The following HJV variants were observed in gnomAD, a reference collection of about 807,000 sequenced individuals.
The protein encoded by HJV is hemojuvelin BMP co-receptor, also known as hemojuvelin.
In HJV, 18 loss-of-function variants were observed where a neutral mutation model predicts 22.7. The ratio of observed to expected loss-of-function variants is 0.79; its 90% CI spans 0.55 to 1.18. The LOEUF (loss-of-function observed/expected upper bound fraction) is 1.18. Ranked by LOEUF, HJV falls within the 50% of genes most tolerant of loss-of-function variation. The pLI is 0.00. For missense variants in HJV, 572 were observed against 553.0 expected (o/e 1.03, Z -0.34); for synonymous variants, 229 against 222.7 (o/e 1.03, Z -0.25).
rs781816924 is a variant in HJV at position 146,018,174 on chromosome 1, TG to T, written c.1183del (p.His395IlefsTer17). On this transcript the variant is annotated frameshift_variant, in exon 4 of 4. Transcript: ENST00000336751. LOFTEE classifies it low-confidence loss of function (END_TRUNC). ...AACCCCAGCATCTGAGGGGAAGAGATGCAGCTTCTCTAAGTCTGGCAGGAAG... is the reference window on the plus strand; with the variant it reads ...AACCCCAGCATCTGAGGGGAAGAGATCAGCTTCTCTAAGTCTGGCAGGAAG... ...RAFLPDLEKLHLFPSDAGVPL... is the reference protein window; with the variant it reads ...RAFLPDLEKLXLFPSDAGVPL... The T allele has an allele frequency of 6.2e-7, 1 of 1,614,100 alleles. No homozygotes were observed. Among genetic ancestry groups the T allele is most frequent in the Admixed American group, 1.7e-5 (1 of 60,010 alleles).
Position 146,019,214 on chromosome 1 carries a change from G to A in HJV, c.618C>T (p.Ser206=). 6.2e-7 allele frequency: 1 copy of A among 1,614,188 alleles called. No individual in the cohort carries two copies. Among genetic ancestry groups the A allele is most frequent in the Non-Finnish European group, 8.5e-7 (1 of 1,180,044 alleles). Reference sequence around the variant, plus strand: ...TAGCGTTGGCCCCCAACGCCATGGGGGAGCTGGTGGCTTGGACAAAGAGGA... The same window carrying A: ...TAGCGTTGGCCCCCAACGCCATGGGAGAGCTGGTGGCTTGGACAAAGAGGA... The part of the protein sequence containing the change: ...NDFLFVQATS[S]PMALGANATA... The change falls in exon 3 of 4, where the codon TCC becomes TCT. Residue 206 remains serine (S), a synonymous_variant. Transcript: ENST00000336751.
rs1553769644 is a variant in HJV at position 146,019,305 on chromosome 1, C to T, written c.527G>A (p.Arg176His). The change falls in exon 3 of 4, where the codon CGC (arginine) becomes CAC (histidine). Residue 176 changes from arginine (R) to histidine (H), a missense_variant. Transcript: ENST00000336751. ...TGTGTGAAAGTGATGGTGGAAGCTG[C>T]GCACATGGGGGTCCCCGAAGGAAGC... ...HCASFGDPHV[R>H]SFHHHFHTCR... 1 of 1,613,884 alleles carries T rather than the reference C, an allele frequency of 6.2e-7. No individual in the cohort carries two copies. The highest frequency in any genetic ancestry group is 8.5e-7 in the Non-Finnish European group (1 of 1,180,040).
chr1:146,019,485 T>G lies in HJV; in HGVS notation c.347A>C (p.Gln116Pro). The G allele has an allele frequency of 6.2e-7, 1 of 1,612,894 alleles. No individual in the cohort carries two copies. Among genetic ancestry groups the G allele is most frequent in the Non-Finnish European group, 8.5e-7 (1 of 1,179,880 alleles). Residue 116 changes from glutamine to proline, a missense_variant, in exon 3 of 4, where the codon CAG becomes CCG. Physicochemically the swap from Gln to Pro is moderately conservative, Grantham distance 76 (BLOSUM62 -1). Transcript: ENST00000336751. ...AGGGCCCTGGCGGGAGCAGTTGTGC[T>G]GGATCATCAGGTCTTCGATGCCATG... ...AVHGIEDLMI[Q>P]HNCSRQGPTA...
chr1:146,019,672 TA>T lies in HJV; in HGVS notation c.159del (p.Arg54GlufsTer60). ...AGTGCTCCTGATGAACCCCCACCTC[TA>T]AGGCTCAGAGTGGACGATACGTACT... is the stretch of plus-strand genomic sequence containing the variant. ...NAEYVSSTLS[L>X]RGGGSSGALR... On this transcript the variant is annotated frameshift_variant, in exon 3 of 4. Transcript: ENST00000336751. LOFTEE classifies it high-confidence loss of function. 6.2e-7 allele frequency: 1 copy of T among 1,613,170 alleles called. No homozygotes were observed. The highest frequency in any genetic ancestry group is 1.1e-5 in the South Asian group (1 of 91,028).
Position 146,017,954 on chromosome 1 carries a change from TG to T in HJV, c.*122del. On this transcript the variant is annotated 3_prime_UTR_variant, in exon 4 of 4. Transcript: ENST00000336751. Reference sequence around the variant, plus strand: ...CCTGGACTGCAGCCTCATCTGACTCTGGATAATGTCATTGTTTCACGTGTCT... The same window carrying T: ...CCTGGACTGCAGCCTCATCTGACTCTGATAATGTCATTGTTTCACGTGTCT... The T allele has an allele frequency of 9.0e-7, 1 of 1,105,630 alleles. No homozygotes were observed. Among genetic ancestry groups the T allele is most frequent in the Non-Finnish European group, 1.3e-6 (1 of 743,148 alleles). The allele number at this position is 1,105,630 out of a possible 1,614,324, so 68.5% of individuals were successfully genotyped here.
intron 2 of HJV, among the ~76,000 whole-genome samples, 180 bp from the exon 3 acceptor site, chr1:146,019,914 A>C (rs1033839120): frequency 3.3e-5 from 5 of 152,038 alleles, no homozygotes; most frequent in Non-Finnish European, 7.4e-5. Context: ...TCTTACTAAA[A>C]GTGTGTAAGC....
Position 146,019,463 on chromosome 1 carries a change from G to A in HJV, c.369C>T (p.Gly123=). ...LMIQHNCSRQ[G]PTAPPPPRGP... is the part of the protein sequence containing the mutation. ...CCCGGGGCGGGGGAGGGGCTGTAGGGCCCTGGCGGGAGCAGTTGTGCTGGA... is the reference window on the plus strand; with the variant it reads ...CCCGGGGCGGGGGAGGGGCTGTAGGACCCTGGCGGGAGCAGTTGTGCTGGA... The change falls in exon 3 of 4, where the codon GGC becomes GGT. Residue 123 remains glycine, a synonymous_variant. Coordinates refer to ENST00000336751, the MANE Select transcript of HJV (RefSeq NM_213653.4). 6.2e-7 allele frequency: 1 copy of A among 1,612,748 alleles called. No individual in the cohort carries two copies. Among genetic ancestry groups the A allele is most frequent in the Non-Finnish European group, 8.5e-7 (1 of 1,179,812 alleles).
Position 146,018,400 on chromosome 1 carries a change from C to A in HJV, c.958G>T (p.Gly320Trp), listed in dbSNP as rs782699972. 3.1e-6 allele frequency: 5 copies of A among 1,614,122 alleles called. No homozygotes were observed. In the South Asian group the frequency reaches 4.4e-5, roughly 14 times the overall value. ...GAGAGTCGCTGACTTGGAGGGCACC[C>A]CCCAACACAGAGCTGCAGGTCCTGT... is the stretch of plus-strand genomic sequence containing the variant. Reference protein sequence around the residue: ...AEQDLQLCVGGCPPSQRLSRS... With the variant: ...AEQDLQLCVGWCPPSQRLSRS... The change falls in exon 4 of 4, where the codon GGG becomes TGG. Residue 320 changes from glycine (G) to tryptophan (W), a missense_variant. Physicochemically the swap from Gly to Trp is radical, Grantham distance 184 (BLOSUM62 -2). Coordinates refer to ENST00000336751, the MANE Select transcript of HJV (RefSeq NM_213653.4).
At chr1:146,018,801 A>G (rs901317776) in intron 3 of HJV, 101 bp from the exon 4 acceptor site, 1 of 1,243,014 alleles carries the variant, frequency 8.0e-7, no homozygotes. Context: ...GTAGAGATGC[A>G]GGACTACTAT....
intron 1 of HJV, among the ~76,000 whole-genome samples, chr1:146,021,348 A>G (rs1246229299): frequency 6.6e-6 from 1 of 152,182 alleles, no homozygotes; most frequent in Non-Finnish European, 1.5e-5. Flanking sequence ...TCTTGAGGTA[A>G]TAAGGTAAAG....
rs1553769516 is a variant in HJV, at chr1:146,018,623, T to C, written c.735A>G (p.Val245=). The change falls in exon 4 of 4, where the codon GTA becomes GTG. Residue 245 remains valine (V), a synonymous_variant. Coordinates refer to ENST00000336751, the MANE Select transcript of HJV (RefSeq NM_213653.4). ...VYQAEVDNLP[V]AFEDGSINGG... ...CATTGATAGAACCATCTTCAAAGGCTACAGGAAGATTATCCACCTCAGCCT... is the reference window on the plus strand; with the variant it reads ...CATTGATAGAACCATCTTCAAAGGCCACAGGAAGATTATCCACCTCAGCCT... 3.1e-6 allele frequency: 5 copies of C among 1,613,962 alleles called. No individual in the cohort carries two copies. In the African/African-American group the frequency reaches 5.3e-5, roughly 17 times the overall value.
At chr1:146,020,344 C>T in intron 1 of HJV, 24 bp from the exon 2 acceptor site, 1 of 758,906 alleles carries the variant, frequency 1.3e-6, no homozygotes, top group Non-Finnish European at 2.4e-6. Context: ...TTTGGCTGGA[C>T]ATGGAGAGAG....
At position 146,020,285 on chromosome 1, in the gene HJV, T is replaced by C; in HGVS notation, c.-54A>G. ...GGTTCTTCCCAGCTGATGACCCTCCTACCTAGTGAATTTTGACCGGAAGCC... is the reference window on the plus strand; with the variant it reads ...GGTTCTTCCCAGCTGATGACCCTCCCACCTAGTGAATTTTGACCGGAAGCC... On this transcript the variant is annotated 5_prime_UTR_variant, in exon 2 of 4. It removes the in-frame stop codon of an upstream open reading frame in the 5' UTR. Transcript: ENST00000336751. 3 of 1,144,220 alleles carry C rather than the reference T, an allele frequency of 2.6e-6. No homozygotes were observed. Among genetic ancestry groups the C allele is most frequent in the Non-Finnish European group, 2.7e-6 (2 of 751,382 alleles). The allele number at this position is 1,144,220 out of a possible 1,614,324, so 70.9% of individuals were successfully genotyped here.
Position 146,018,237 on chromosome 1 carries a change from G to A in HJV, c.1121C>T (p.Thr374Ile). 3 of 1,614,212 alleles carry A rather than the reference G, an allele frequency of 1.9e-6. No individual in the cohort carries two copies. Among genetic ancestry groups the A allele is most frequent in the Non-Finnish European group, 1.7e-6 (2 of 1,180,038 alleles). Residue 374 changes from threonine (T) to isoleucine (I), a missense_variant, in exon 4 of 4, where the codon ACC becomes ATC. Transcript: ENST00000336751. ...DVLISGDPNF[T>I]VAAQAALEDA... ...CTCCAGTGCTGCCTGAGCTGCCACG[G>A]TAAAGTTGGGATCACCAGAAATTAA...
At position 146,019,647 on chromosome 1, in the gene HJV, A is replaced by G; in HGVS notation, c.185T>C (p.Leu62Pro). The stretch of plus-strand genomic sequence containing the variant: ...CCGGCCTCCTCCTCCTCCTCCTCGA[A>G]GTGCTCCTGATGAACCCCCACCTCT... ...SLRGGGSSGA[L>P]RGGGGGGRGG... Residue 62 changes from leucine to proline, a missense_variant, in exon 3 of 4, where the codon CTT (leucine) becomes CCT (proline). Physicochemically the swap from Leu to Pro is moderately conservative, Grantham distance 98 (BLOSUM62 -3). Transcript: ENST00000336751. 6.2e-7 allele frequency: 1 copy of G among 1,613,598 alleles called. No individual in the cohort carries two copies. The highest frequency in any genetic ancestry group is 8.5e-7 in the Non-Finnish European group (1 of 1,179,824).
intron 2 of HJV, among the ~76,000 whole-genome samples, 183 bp from the exon 3 acceptor site, chr1:146,019,917 G>A (rs1652613425): frequency 6.6e-6 from 1 of 152,038 alleles, no homozygotes; most frequent in Non-Finnish European, 1.5e-5. Context: ...TACTAAAAGT[G>A]TGTAAGCCTG....
At chr1:146,020,465 G>A in intron 1 of HJV, 145 bp from the exon 2 acceptor site, 1 of 486,360 alleles carries the variant, frequency 2.1e-6, no homozygotes, top group Non-Finnish European at 3.8e-6. Context: ...TATAAGTGTG[G>A]CAGTTAAGCC....
Position 146,020,263 on chromosome 1 carries a change from T to C in HJV, c.-32A>G. 1 of 1,412,388 alleles carries C rather than the reference T, an allele frequency of 7.1e-7. No homozygotes were observed. The highest frequency in any genetic ancestry group is 1.0e-6 in the Non-Finnish European group (1 of 996,108). The allele number at this position is 1,412,388 out of a possible 1,614,324, so 87.5% of individuals were successfully genotyped here. ...CCAGCCAGGTTTCCCAGGCGCCGGT[T>C]CTTCCCAGCTGATGACCCTCCTACC... On this transcript the variant is annotated 5_prime_UTR_variant, in exon 2 of 4. Transcript: ENST00000336751.
rs782552789 is a variant in HJV at position 146,018,164 on chromosome 1, G to C, written c.1194C>G (p.Pro398=). ...AGGAAAGAGGAACCCCAGCATCTGA[G>C]GGGAAGAGATGCAGCTTCTCTAAGT... is the stretch of plus-strand genomic sequence containing the variant. The part of the protein sequence containing the change: ...LPDLEKLHLF[P]SDAGVPLSSA... The change falls in exon 4 of 4, where the codon CCC becomes CCG. Residue 398 remains proline (P), a synonymous_variant. Coordinates refer to ENST00000336751, the MANE Select transcript of HJV (RefSeq NM_213653.4). 3 of 1,614,032 alleles carry C rather than the reference G, an allele frequency of 1.9e-6. No homozygotes were observed. The highest frequency in any genetic ancestry group is 2.5e-6 in the Non-Finnish European group (3 of 1,180,016).
Sources: allele counts gnomAD v4.1 joint callset (sites outside exome capture counted in the v4.1 genomes callset), GRCh38; gene constraint gnomAD v4.1.1; transcripts MANE v1.5; gene names NCBI Gene and HGNC (gene_info 2026-07-23, HGNC 2026-07-21).